The following PCSK2 variants were observed in gnomAD, a reference collection of about 807,000 sequenced individuals.
PCSK2 encodes proprotein convertase subtilisin/kexin type 2, also known as neuroendocrine convertase 2.
A neutral mutation model predicts 69.7 loss-of-function variants in PCSK2; 14 were observed. That is an observed-to-expected ratio of 0.20 (90% confidence interval 0.13 to 0.31). The LOEUF is 0.31. Ranked by LOEUF, PCSK2 falls within the 10% of genes least tolerant of loss-of-function variation. The pLI is 1.00. For missense variants in PCSK2, 544 were observed against 842.5 expected (o/e 0.65, Z 4.39); for synonymous variants, 307 against 320.7 (o/e 0.96, Z 0.46).
intron 10 of PCSK2, among the ~76,000 whole-genome samples, chr20:17,461,561 T>C (rs2033014653): frequency 6.6e-6 from 1 of 152,194 alleles, no homozygotes; most frequent in African/African-American, 2.4e-5. Flanking sequence ...TACCAGATGT[T>C]AGGAGAAGTG....
chr20:17,411,102 C>T (rs966275807), intron 6 of PCSK2, among the ~76,000 whole-genome samples: 1 of 152,156 alleles, frequency 6.6e-6, no homozygotes, highest in Non-Finnish European at 1.5e-5. Context: ...CTTAAAAAAA[C>T]TAAAAGGTTC....
intron 7 of PCSK2, among the ~76,000 whole-genome samples, chr20:17,432,750 G>A (rs1042030674): frequency 2.6e-5 from 4 of 152,140 alleles, no homozygotes; most frequent in East Asian, 3.8e-4. Context: ...ATTAAAGCTC[G>A]AGACCACATC....
intron 1 of PCSK2, among the ~76,000 whole-genome samples, chr20:17,250,676 C>G (rs1986940714): frequency 6.6e-6 from 1 of 152,072 alleles, no homozygotes; most frequent in Non-Finnish European, 1.5e-5. Context: ...AGAGTTTTCC[C>G]TGCACCTCAG....
intron 8 of PCSK2, among the ~76,000 whole-genome samples, chr20:17,437,996 CA>C (rs568223062): frequency 0.076 from 11,474 of 151,136 alleles, 497 homozygotes; most frequent in East Asian, 0.16. Flanking sequence ...CCCCCCCACC[CA>C]CACCGTGCTC....
Position 17,385,162 on chromosome 20 carries a change from G to A in PCSK2, c.543+15885G>A, listed in dbSNP as rs560928848. Among the ~76,000 whole-genome samples, 3 of 152,290 alleles carry A rather than the reference G, an allele frequency of 2.0e-5. No individual in the cohort carries two copies. The East Asian group carries it at 5.8e-4, about 29-fold the overall frequency. On this transcript the variant is annotated intron_variant, in intron 5 of 11. Transcript: ENST00000262545. ...TGACAAAGTCCATATGGCCTGCAAA[G>A]CCTAAAATTTTTACTATTTGATCCT...
chr20:17,401,837 A>C lies in PCSK2; in HGVS notation c.544-7426A>C, dbSNP rs139332204. Reference sequence around the variant, plus strand: ...AAATGCTTGATTTGAGGTGGTGGCTAGTGCAAATAACAATGTAAATTTTTC... The same window carrying C: ...AAATGCTTGATTTGAGGTGGTGGCTCGTGCAAATAACAATGTAAATTTTTC... On this transcript the variant is annotated intron_variant, in intron 5 of 11. Coordinates refer to ENST00000262545, the MANE Select transcript of PCSK2 (RefSeq NM_002594.5). Among the ~76,000 whole-genome samples the C allele has an allele frequency of 2.5e-3, 386 of 152,344 alleles. 4 individuals are homozygous for C. Among genetic ancestry groups the C allele is most frequent in the African/African-American group, 8.7e-3 (362 of 41,578 alleles).
intron 4 of PCSK2, among the ~76,000 whole-genome samples, chr20:17,366,373 T>G (rs2123225135): frequency 6.6e-6 from 1 of 152,290 alleles, no homozygotes; most frequent in Non-Finnish European, 1.5e-5. Flanking sequence ...CCACATTTAT[T>G]ATGATTGGCT....
chr20:17,443,505 G>A (rs2032637939), intron 8 of PCSK2, among the ~76,000 whole-genome samples: 1 of 152,170 alleles, frequency 6.6e-6, no homozygotes, highest in Admixed American at 6.5e-5. Context: ...GGTGACAGCA[G>A]GTGCCCAGGG....
chr20:17,340,695 G>A (rs553473663), intron 2 of PCSK2, among the ~76,000 whole-genome samples: 13 of 152,068 alleles, frequency 8.5e-5, no homozygotes, highest in Non-Finnish European at 1.8e-4. Context: ...TGGTTCTTAC[G>A]CTTAGTTATT....
intron 11 of PCSK2, among the ~76,000 whole-genome samples, chr20:17,473,974 A>T (rs961781800): frequency 6.6e-6 from 1 of 152,192 alleles, no homozygotes; most frequent in South Asian, 2.1e-4. Context: ...TAAAAAAGCC[A>T]GACTCCTCAG....
At chr20:17,283,570 G>A (rs7260903) in intron 2 of PCSK2, among the ~76,000 whole-genome samples, 1,608 of 152,270 alleles carry the variant, frequency 0.011, 22 homozygotes, top group African/African-American at 0.035. Flanking sequence ...AAGTACCTAC[G>A]AATCATGTGA....
At chr20:17,374,810 T>A (rs2030876356) in intron 5 of PCSK2, among the ~76,000 whole-genome samples, 1 of 151,788 alleles carries the variant, frequency 6.6e-6, no homozygotes, top group East Asian at 1.9e-4. Context: ...AGAGATGAGG[T>A]GGGGAGATAG....
At chr20:17,296,122 A>G (rs1988885986) in intron 2 of PCSK2, among the ~76,000 whole-genome samples, 1 of 152,156 alleles carries the variant, frequency 6.6e-6, no homozygotes, top group African/African-American at 2.4e-5. Context: ...CTGATGGCCA[A>G]TGAGCAGAAA....
intron 9 of PCSK2, 116 bp downstream of exon 9, chr20:17,454,073 A>AGTTC: frequency 2.9e-6 from 4 of 1,376,962 alleles, no homozygotes; most frequent in African/African-American, 1.4e-5. Flanking sequence ...AGCCTGAACT[A>AGTTC]AGGCTCTGAA....
At chr20:17,431,643 G>T (rs1299443372) in intron 7 of PCSK2, among the ~76,000 whole-genome samples, 1 of 152,166 alleles carries the variant, frequency 6.6e-6, no homozygotes, top group Non-Finnish European at 1.5e-5. Context: ...ACGTACGCTG[G>T]TTCTAACTAC....
chr20:17,250,483 C>T (rs1318801873), intron 1 of PCSK2, among the ~76,000 whole-genome samples: 2 of 152,136 alleles, frequency 1.3e-5, no homozygotes, highest in African/African-American at 4.8e-5. Flanking sequence ...GTGGTCTCTG[C>T]CAGGTTTCTC....
chr20:17,262,098 A>T (rs1030423765), intron 2 of PCSK2, among the ~76,000 whole-genome samples: 1 of 152,234 alleles, frequency 6.6e-6, no homozygotes, highest in African/African-American at 2.4e-5. Context: ...TTCTTGAAGT[A>T]TACAGTGACA....
At chr20:17,276,445 AACACAC>A (rs58766799) in intron 2 of PCSK2, among the ~76,000 whole-genome samples, 294 of 146,960 alleles carry the variant, frequency 2.0e-3, no homozygotes, top group African/African-American at 4.6e-3. Context: ...TTTTAAATTC[AACACAC>A]ACACACACAC....
At chr20:17,410,715 G>A (rs946666847) in intron 6 of PCSK2, among the ~76,000 whole-genome samples, 4 of 152,144 alleles carry the variant, frequency 2.6e-5, no homozygotes, top group Admixed American at 2.6e-4. Flanking sequence ...AACCCTAGAT[G>A]GTAGCATATA....
Sources: gnomAD v4.1 joint callset for allele counts (sites outside exome capture counted in the v4.1 genomes callset) on GRCh38, gnomAD v4.1.1 for gene constraint, MANE v1.5 for transcripts, NCBI Gene and HGNC (gene_info 2026-07-23, HGNC 2026-07-21) for gene names.